FLNB: variants seen among roughly 807,000 people sequenced by gnomAD.
The protein encoded by FLNB is filamin-B.
In FLNB, 111 loss-of-function variants were observed where a neutral mutation model predicts 250.6. That is an observed-to-expected ratio of 0.44 (90% confidence interval 0.38 to 0.52). FLNB has a LOEUF of 0.52. Among genes scored for constraint, FLNB ranks in the 20% least tolerant of loss-of-function variants. The probability of loss-of-function intolerance (pLI) is 0.00; values close to 1 mark genes in which losing one functional copy is unlikely to be tolerated. For synonymous variants in FLNB, 1,302 were observed against 1,372.1 expected, an observed-to-expected ratio of 0.95 and a Z score of 1.13; for missense variants, 2,869 against 3,447.8, an observed-to-expected ratio of 0.83 and a Z score of 4.20.
At chr3:58,148,492 C>A in intron 35 of FLNB, 128 bp downstream of exon 35, 3 of 1,272,028 alleles carry the variant, frequency 2.4e-6, no homozygotes, top group Non-Finnish European at 3.4e-6. Context: ...GGGTCACACG[C>A]ACGATAAATG....
chr3:58,119,017 G>C (rs908177710), intron 19 of FLNB, 28 bp downstream of exon 19: 1 of 1,494,582 alleles, frequency 6.7e-7, no homozygotes. Flanking sequence ...GAGCAGATGG[G>C]TTGTTGATGA....
chr3:58,117,537 G>A (rs1400918556), intron 18 of FLNB, among the ~76,000 whole-genome samples: 3 of 152,192 alleles, frequency 2.0e-5, no homozygotes, highest in African/African-American at 7.2e-5. Flanking sequence ...GTTAGGGGCT[G>A]TGGGGAAACG....
At chr3:58,052,442 G>A (rs2106845619) in intron 1 of FLNB, among the ~76,000 whole-genome samples, 1 of 152,288 alleles carries the variant, frequency 6.6e-6, no homozygotes, top group East Asian at 1.9e-4. Flanking sequence ...CTCTGTGGAT[G>A]GATTTGATTG....
In FLNB at chr3:58,148,299, G is replaced by A; in HGVS notation, c.5822G>A (p.Ser1941Asn). The part of the protein sequence containing the change: ...SETDLSSLTA[S>N]IKAPSGRDEP... ...ACTGACCTCAGCAGCCTGACGGCCA[G>A]CATTAAGGCCCCATCTGGCCGAGAC... The change falls in exon 35 of 46, where the codon AGC becomes AAC. Residue 1941 changes from serine (S) to asparagine (N), a missense_variant. Transcript: ENST00000295956. 6.2e-7 allele frequency: 1 copy of A among 1,614,090 alleles called. No homozygotes were observed. Among genetic ancestry groups the A allele is most frequent in the Non-Finnish European group, 8.5e-7 (1 of 1,180,022 alleles).
At chr3:58,100,373 A>AAAAAAAAATAT in intron 8 of FLNB, among the ~76,000 whole-genome samples, 1 of 104,384 alleles carries the variant, frequency 9.6e-6, no homozygotes, top group African/African-American at 4.6e-5. Context: ...GTAAAAAAAA[A>AAAAAAAAATAT]ATATATATAT....
intron 20 of FLNB, among the ~76,000 whole-genome samples, chr3:58,122,703 C>T (rs1228120933): frequency 6.6e-6 from 1 of 152,112 alleles, no homozygotes; most frequent in African/African-American, 2.4e-5. Flanking sequence ...TTGCAACAGC[C>T]CAAGCCACAG....
intron 10 of FLNB, among the ~76,000 whole-genome samples, chr3:58,104,300 G>C (rs2097255870): frequency 6.6e-6 from 1 of 151,984 alleles, no homozygotes; most frequent in Non-Finnish European, 1.5e-5. Context: ...ATCAAATGCT[G>C]GTGGTTAGGG....
rs762552289 is a variant in FLNB at position 58,153,937 on chromosome 3, T to G, written c.6634+296T>G. Among the ~76,000 whole-genome samples, 10 of 152,296 alleles carry G rather than the reference T, an allele frequency of 6.6e-5. No homozygotes were observed. In the South Asian group the frequency reaches 1.2e-3, roughly 19 times the overall value. On this transcript the variant is annotated intron_variant, in intron 39 of 45. Coordinates refer to ENST00000295956, the MANE Select transcript of FLNB (RefSeq NM_001457.4). ...AGAGTAATACGGTTTCCAGAGCATC[T>G]TTCAGGGCTGATGTTCTGTGGAACA... is the stretch of plus-strand genomic sequence containing the variant.
At chr3:58,124,810 T>C (rs942586021) in intron 22 of FLNB, among the ~76,000 whole-genome samples, 1 of 151,070 alleles carries the variant, frequency 6.6e-6, no homozygotes, top group African/African-American at 2.5e-5. Flanking sequence ...TCTTCTTGAG[T>C]ATTAGGAATT....
At chr3:58,146,148 T>C (rs2097335499) in intron 33 of FLNB, 99 bp downstream of exon 33, 1 of 1,278,062 alleles carries the variant, frequency 7.8e-7, no homozygotes, top group Non-Finnish European at 1.1e-6. Flanking sequence ...GACAATCGAA[T>C]GGTAGTATTT....
In FLNB at chr3:58,124,369, C is replaced by G. The variant is rs1176515724; in HGVS notation, c.3762C>G (p.Asp1254Glu). 1 of 1,614,136 alleles carries G rather than the reference C, an allele frequency of 6.2e-7. No homozygotes were observed. Among genetic ancestry groups the G allele is most frequent in the African/African-American group, 1.3e-5 (1 of 74,932 alleles). The change falls in exon 22 of 46, where the codon GAC (aspartate) becomes GAG (glutamate). Residue 1254 changes from aspartate to glutamate, a missense_variant. This residue lies in a region of FLNB where 1,348 missense variants were observed against 1,466.7 expected (regional missense o/e 0.92). Transcript: ENST00000295956. Reference sequence around the variant, plus strand: ...AAGCTACCACCGACTTTACAGTTGACTCTCGGCCGCTGACCCAGGTTGGGG... The same window carrying G: ...AAGCTACCACCGACTTTACAGTTGAGTCTCGGCCGCTGACCCAGGTTGGGG... ...FREATTDFTV[D>E]SRPLTQVGGD...
intron 1 of FLNB, among the ~76,000 whole-genome samples, chr3:58,037,820 A>G (rs569172301): frequency 6.6e-6 from 1 of 152,330 alleles, no homozygotes; most frequent in Non-Finnish European, 1.5e-5. Context: ...TACTCGTAAA[A>G]GGAAACTAGA....
chr3:58,124,478 C>A lies in FLNB; in HGVS notation c.3871C>A (p.Gln1291Lys), dbSNP rs774664116. 2 of 1,614,124 alleles carry A rather than the reference C, an allele frequency of 1.2e-6. No homozygotes were observed. Among genetic ancestry groups the A allele is most frequent in the Non-Finnish European group, 1.7e-6 (2 of 1,180,046 alleles). The change falls in exon 22 of 46, where the codon CAG (glutamine) becomes AAG (lysine). Residue 1291 changes from glutamine (Q) to lysine (K), a missense_variant. Coordinates refer to ENST00000295956, the MANE Select transcript of FLNB (RefSeq NM_001457.4). The part of the protein sequence containing the change: ...FVTDNADGTY[Q>K]VEYTPFEKGL... ...CACAGACAATGCGGATGGGACCTAC[C>A]AGGTGGAATACACACCCTTTGAGAA...
chr3:58,085,408 C>A (rs1288971441), intron 4 of FLNB, among the ~76,000 whole-genome samples: 1 of 152,236 alleles, frequency 6.6e-6, no homozygotes, highest in Admixed American at 6.5e-5. Flanking sequence ...GACCACATTG[C>A]TTCATTTCTG....
At chr3:58,031,215 T>C (rs1309950821) in intron 1 of FLNB, among the ~76,000 whole-genome samples, 1 of 152,114 alleles carries the variant, frequency 6.6e-6, no homozygotes, top group African/African-American at 2.4e-5. Flanking sequence ...GTGTGGAATA[T>C]TTTTCTTATA....
rs1274950884 is a variant in FLNB at position 58,078,766 on chromosome 3, T to C, written c.591T>C (p.Asn197=). ...GGGACCCGCAGAAGCCTGTGGATAA[T>C]GCACGAGAAGCCATGCAGCAGGCAG... ...ESWDPQKPVD[N]AREAMQQADD... The change falls in exon 3 of 46, where the codon AAT becomes AAC. Residue 197 remains asparagine, a synonymous_variant. Coordinates refer to ENST00000295956, the MANE Select transcript of FLNB (RefSeq NM_001457.4). The C allele has an allele frequency of 5.0e-6, 8 of 1,613,980 alleles. No individual in the cohort carries two copies. Among genetic ancestry groups the C allele is most frequent in the Non-Finnish European group, 6.8e-6 (8 of 1,179,964 alleles).
At chr3:58,059,619 T>C (rs1313021306) in intron 1 of FLNB, among the ~76,000 whole-genome samples, 1 of 152,192 alleles carries the variant, frequency 6.6e-6, no homozygotes. Flanking sequence ...TTATCGTGTG[T>C]TTCTTGCCTG....
chr3:58,151,708 C>T (rs1393498144), intron 38 of FLNB, among the ~76,000 whole-genome samples: 2 of 152,218 alleles, frequency 1.3e-5, no homozygotes, highest in African/African-American at 4.8e-5. Flanking sequence ...AAGAGAGATT[C>T]CATTTCATGT....
At chr3:58,059,021 A>T (rs1248677325) in intron 1 of FLNB, among the ~76,000 whole-genome samples, 1 of 152,190 alleles carries the variant, frequency 6.6e-6, no homozygotes, top group Non-Finnish European at 1.5e-5. Context: ...ATTCCCTGTG[A>T]CACTGTAGCC....
Sources: gnomAD v4.1 joint callset for allele counts (sites outside exome capture counted in the v4.1 genomes callset) on GRCh38, gnomAD v4.1.1 for gene constraint, gnomAD v4.1.1 regional missense constraint, MANE v1.5 for transcripts, NCBI Gene and HGNC (gene_info 2026-07-23, HGNC 2026-07-21) for gene names.